The following PTBP3 variants were observed in gnomAD, a reference collection of about 807,000 sequenced individuals.
PTBP3 encodes the protein polypyrimidine tract-binding protein 3.
A neutral mutation model predicts 58.7 loss-of-function variants in PTBP3; 20 were observed. That is an observed-to-expected ratio of 0.34 (90% CI 0.24 to 0.50). The LOEUF is 0.50. PTBP3 is among the 20% of genes least tolerant of loss of function. PTBP3 has a pLI of 0.98. For synonymous variants in PTBP3, 185 were observed against 219.8 expected, an observed-to-expected ratio of 0.84 and a Z score of 1.40; for missense variants, 509 against 637.2, an observed-to-expected ratio of 0.80 and a Z score of 2.17.
chr9:112,262,300 T>C (rs1048145385), intron 5 of PTBP3, 135 bp downstream of exon 5: 28 of 707,840 alleles, frequency 4.0e-5, no homozygotes, highest in Non-Finnish European at 5.1e-5. Flanking sequence ...TCTATGAAAT[T>C]AGATGAAGTT....
At chr9:112,311,665 C>T (rs1437856670) in intron 1 of PTBP3, among the ~76,000 whole-genome samples, 2 of 152,132 alleles carry the variant, frequency 1.3e-5, no homozygotes, top group Admixed American at 6.5e-5. Context: ...AACAGATTTG[C>T]TAGCCAGGCA....
chr9:112,218,051 C>A (rs938968281), downstream of PTBP3: 2 of 152,076 alleles, frequency 1.3e-5, no homozygotes, highest in African/African-American at 4.8e-5. Context: ...AAATACTGAA[C>A]AAAACTGGAA....
chr9:112,219,533 G>A lies in PTBP3; in HGVS notation c.*4318C>T, dbSNP rs1483683900. On this transcript the variant is annotated 3_prime_UTR_variant, in exon 14 of 14. Coordinates refer to ENST00000374257, the MANE Select transcript of PTBP3 (RefSeq NM_001163788.4). ...ATATGCCTCAGGTTACAAAAACTAAGGAAACTACCACAAAGATTTTGAGCA... is the reference window on the plus strand; with the variant it reads ...ATATGCCTCAGGTTACAAAAACTAAAGAAACTACCACAAAGATTTTGAGCA... The A allele has an allele frequency of 1.3e-5, 2 of 152,490 alleles. No homozygotes were observed. Among genetic ancestry groups the A allele is most frequent in the Non-Finnish European group, 2.9e-5 (2 of 68,006 alleles). The allele number at this position is 152,490 out of a possible 1,614,324, so 9.4% of individuals were successfully genotyped here.
At chr9:112,340,305 C>T in the PTBP3 span, among the ~76,000 whole-genome samples, 1 of 152,106 alleles carries the variant, frequency 6.6e-6, no homozygotes, top group Non-Finnish European at 1.5e-5. Context: ...GGTAAACTTG[C>T]CCTATATTCT....
At chr9:112,277,906 CATA>C (rs1564427432) in intron 2 of PTBP3, among the ~76,000 whole-genome samples, 3 of 118,346 alleles carry the variant, frequency 2.5e-5, no homozygotes, top group African/African-American at 1.0e-4. Flanking sequence ...CATAACATAA[CATA>C]ACATAACATA....
At chr9:112,336,479 AT>A (rs892520230), upstream of PTBP3, among the ~76,000 whole-genome samples, 1 of 147,250 alleles carries the variant, frequency 6.8e-6, no homozygotes, top group Non-Finnish European at 1.5e-5. Flanking sequence ...CAGTTTCTTT[AT>A]TTAAAAAAAA....
intron 2 of PTBP3, among the ~76,000 whole-genome samples, chr9:112,280,227 G>GT (rs769185705): frequency 1.3e-5 from 2 of 152,032 alleles, no homozygotes; most frequent in Non-Finnish European, 2.9e-5. Flanking sequence ...GCTAATTTTT[G>GT]TATTTTTAGT....
chr9:112,270,273 C>G (rs1827318317), intron 3 of PTBP3, among the ~76,000 whole-genome samples: 2 of 152,214 alleles, frequency 1.3e-5, no homozygotes, highest in African/African-American at 4.8e-5. Flanking sequence ...CAATTAACAC[C>G]CATGTTACAT....
At chr9:112,302,363 G>A (rs933138045) in intron 1 of PTBP3, among the ~76,000 whole-genome samples, 20 of 152,058 alleles carry the variant, frequency 1.3e-4, no homozygotes, top group African/African-American at 4.8e-4. Context: ...AGTCAAAAGC[G>A]CAAACACCTT....
chr9:112,225,967 T>C (rs1017152898), intron 12 of PTBP3, among the ~76,000 whole-genome samples: 1 of 151,962 alleles, frequency 6.6e-6, no homozygotes, highest in Non-Finnish European at 1.5e-5. Flanking sequence ...TCACTTGAGA[T>C]TGGGAGGCAG....
chr9:112,303,588 G>A (rs1322614499), intron 1 of PTBP3, among the ~76,000 whole-genome samples: 2 of 152,226 alleles, frequency 1.3e-5, no homozygotes, highest in East Asian at 1.9e-4. Context: ...ACTACAGGCT[G>A]GGCGCGGTGG....
intron 1 of PTBP3, among the ~76,000 whole-genome samples, chr9:112,305,147 T>C (rs1252205958): frequency 6.6e-6 from 1 of 152,188 alleles, no homozygotes; most frequent in African/African-American, 2.4e-5. Context: ...TATTTTAATA[T>C]GGCCCACAGT....
At position 112,223,976 on chromosome 9, in the gene PTBP3, G is replaced by A. The variant is rs1197956270; in HGVS notation, c.1450C>T (p.Arg484Cys). Residue 484 changes from arginine (R) to cysteine (C), a missense_variant, in exon 14 of 14, where the codon CGC (arginine) becomes TGC (cysteine). Arg to Cys is a radical substitution (Grantham distance 180). Coordinates refer to ENST00000374257, the MANE Select transcript of PTBP3 (RefSeq NM_001163788.4). ...CCCAATTGAATGAGCGCCATTTTGC[G>A]ATCTTTCCTGAAAATGGTATAAGAA... is the stretch of plus-strand genomic sequence containing the variant. ...VKAFKFFQKD[R>C]KMALIQLGSV... 2 of 1,610,610 alleles carry A rather than the reference G, an allele frequency of 1.2e-6. No homozygotes were observed. The highest frequency in any genetic ancestry group is 1.1e-5 in the South Asian group (1 of 90,614).
chr9:112,319,729 G>A (rs942749288), intron 1 of PTBP3, among the ~76,000 whole-genome samples: 3 of 152,290 alleles, frequency 2.0e-5, no homozygotes, highest in South Asian at 4.1e-4. Context: ...GCATTCCCAT[G>A]TTCATTGCAG....
chr9:112,234,919 A>C (rs1052529301), intron 7 of PTBP3, 22 bp from the exon 8 acceptor site: 1 of 1,573,524 alleles, frequency 6.4e-7, no homozygotes, highest in African/African-American at 1.4e-5. Flanking sequence ...GAGAAGCTAA[A>C]GTAAACACAC....
chr9:112,300,913 T>A (rs922787686), intron 1 of PTBP3, among the ~76,000 whole-genome samples: 1 of 151,946 alleles, frequency 6.6e-6, no homozygotes, highest in East Asian at 1.9e-4. Flanking sequence ...GTGGGCAACA[T>A]AGGGAGACCC....
intron 1 of PTBP3, chr9:112,332,858 G>A: frequency 6.2e-7 from 1 of 1,610,950 alleles, no homozygotes; most frequent in South Asian, 1.1e-5. Flanking sequence ...ACTAAGTCCA[G>A]ACCCCTGGTG....
At chr9:112,321,527 T>A (rs10759552) in intron 1 of PTBP3, among the ~76,000 whole-genome samples, 123,219 of 146,714 alleles carry the variant, frequency 0.84, 52,031 homozygotes, top group African/African-American at 0.92. Flanking sequence ...AGACGTAGTC[T>A]GAAAAAAAAA....
intron 1 of PTBP3, among the ~76,000 whole-genome samples, chr9:112,323,138 G>A (rs544522170): frequency 2.8e-4 from 43 of 152,332 alleles, no homozygotes; most frequent in African/African-American, 9.6e-4. Flanking sequence ...TGTAGCCCTA[G>A]CTACTGAGGA....
Sources: allele counts gnomAD v4.1 joint callset (sites outside exome capture counted in the v4.1 genomes callset), GRCh38; gene constraint gnomAD v4.1.1; transcripts MANE v1.5; gene names NCBI Gene and HGNC (gene_info 2026-07-23, HGNC 2026-07-21).